The following CEP164 variants were observed in gnomAD, a reference collection of about 807,000 sequenced individuals.
The protein encoded by CEP164 is centrosomal protein of 164 kDa.
A neutral mutation model predicts 182.7 loss-of-function variants in CEP164; 162 were observed. The ratio of observed to expected loss-of-function variants is 0.89; its 90% CI spans 0.78 to 1.01. The LOEUF (loss-of-function observed/expected upper bound fraction) is 1.01. Ranked by LOEUF, CEP164 falls within the 50% of genes least tolerant of loss-of-function variation. The pLI is 0.00. For missense variants in CEP164, 1,735 were observed against 1,790.4 expected (o/e 0.97, Z 0.56); for synonymous variants, 661 against 690.0 (o/e 0.96, Z 0.66).
Position 117,394,521 on chromosome 11 carries a change from A to G in CEP164, c.2760+28A>G, listed in dbSNP as rs2045166830. ...GAGGGGCCTGGGGCAGGGTGAGCCCACTGTGACCCCTCCATGCACAGTAGG... is the reference window on the plus strand; with the variant it reads ...GAGGGGCCTGGGGCAGGGTGAGCCCGCTGTGACCCCTCCATGCACAGTAGG... On this transcript the variant is annotated intron_variant, in intron 21 of 32. Coordinates refer to ENST00000278935, the MANE Select transcript of CEP164 (RefSeq NM_014956.5). This position sits in a 1 kb window ranked among gnomAD's most constrained non-coding sequence, Gnocchi z 4.0. The G allele has an allele frequency of 6.2e-7, 1 of 1,611,174 alleles. No homozygotes were observed. The highest frequency in any genetic ancestry group is 1.1e-5 in the South Asian group (1 of 90,650).
rs1424888285 is a variant in CEP164, at chr11:117,398,542, C to T, written c.3501+1229C>T. On this transcript the variant is annotated intron_variant, in intron 27 of 32. Coordinates refer to ENST00000278935, the MANE Select transcript of CEP164 (RefSeq NM_014956.5). ...GAAGTTCTCCATGAGGGCCCCACCC[C>T]TGTAGCAGACTTTTTTCTGGGCATC... is the stretch of plus-strand genomic sequence containing the variant. Among the ~76,000 whole-genome samples, 12 of 152,330 alleles carry T rather than the reference C, an allele frequency of 7.9e-5. No individual in the cohort carries two copies. The East Asian group carries it at 1.2e-3, about 15-fold the overall frequency.
At chr11:117,367,877 GTTAA>G (rs1168146823) in intron 8 of CEP164, among the ~76,000 whole-genome samples, 1 of 152,166 alleles carries the variant, frequency 6.6e-6, no homozygotes, top group Non-Finnish European at 1.5e-5. Context: ...ATCTTGAATA[GTTAA>G]TTAATAGCTA....
At chr11:117,322,485 A>G (rs539572120) in intron 1 of CEP164, among the ~76,000 whole-genome samples, 144 of 152,216 alleles carry the variant, frequency 9.5e-4, no homozygotes, top group Non-Finnish European at 1.7e-3. Flanking sequence ...TTTGAAATAT[A>G]CCGTATCAGT....
intron 27 of CEP164, among the ~76,000 whole-genome samples, chr11:117,406,659 A>T (rs967887069): frequency 6.6e-6 from 1 of 152,210 alleles, no homozygotes; most frequent in Non-Finnish European, 1.5e-5. Flanking sequence ...GCTTTGAGTT[A>T]CTTACCCACC....
rs2041246054 is a variant in CEP164 at position 117,363,480 on chromosome 11, G to T, written c.739G>T (p.Ala247Ser). The change falls in exon 8 of 33, where the codon GCA becomes TCA. Residue 247 changes from alanine to serine, a missense_variant. Ala to Ser is a moderately conservative substitution (Grantham distance 99, BLOSUM62 1). Coordinates refer to ENST00000278935, the MANE Select transcript of CEP164 (RefSeq NM_014956.5). Reference protein sequence around the residue: ...PLRNLHLDIGALGGDFEYEES... With the variant: ...PLRNLHLDIGSLGGDFEYEES... Reference sequence around the variant, plus strand: ...TAGGAACCTACACCTGGACATTGGGGCACTGGGGGGTGACTTTGAGTATGA... The same window carrying T: ...TAGGAACCTACACCTGGACATTGGGTCACTGGGGGGTGACTTTGAGTATGA... 1 of 1,613,948 alleles carries T rather than the reference G, an allele frequency of 6.2e-7. No homozygotes were observed. Among genetic ancestry groups the T allele is most frequent in the Non-Finnish European group, 8.5e-7 (1 of 1,179,856 alleles).
At chr11:117,410,624 T>A (rs549279445) in intron 30 of CEP164, 12 of 498,482 alleles carry the variant, frequency 2.4e-5, no homozygotes, top group Non-Finnish European at 3.2e-5. Flanking sequence ...AAACAAAATA[T>A]CTTCTTTTTG....
Position 117,411,855 on chromosome 11 carries a change from C to T in CEP164, c.4224C>T (p.Thr1408=), listed in dbSNP as rs1423587348. Residue 1408 remains threonine, a synonymous_variant, in exon 32 of 33, where the codon ACC becomes ACT. Coordinates refer to ENST00000278935, the MANE Select transcript of CEP164 (RefSeq NM_014956.5). This position sits in a 1 kb window ranked among gnomAD's most constrained non-coding sequence, Gnocchi z 4.4. ...AAGTCCCTGAGGCGGGCAGCACCAC[C>T]TTTCAGGGCATAATTGAGGCCAACC... The part of the protein sequence containing the change: ...HSQVPEAGST[T]FQGIIEANRR... 6.2e-7 allele frequency: 1 copy of T among 1,614,166 alleles called. No individual in the cohort carries two copies. Among genetic ancestry groups the T allele is most frequent in the Non-Finnish European group, 8.5e-7 (1 of 1,180,034 alleles).
intron 8 of CEP164, among the ~76,000 whole-genome samples, chr11:117,366,232 G>A (rs921068460): frequency 2.0e-5 from 3 of 151,998 alleles, no homozygotes; most frequent in African/African-American, 7.3e-5. Flanking sequence ...TTTTGTCTCA[G>A]TTTACAGTCT....
intron 10 of CEP164, 120 bp downstream of exon 10, chr11:117,373,951 T>TAGACAAGACTCAAGCA: frequency 1.3e-6 from 1 of 759,812 alleles, no homozygotes; most frequent in Non-Finnish European, 2.2e-6. Flanking sequence ...GAACTCATGC[T>TAGACAAGACTCAAGCA]TGAGTCTTGT....
chr11:117,407,457 CAAAAA>C (rs1232486465), intron 27 of CEP164, among the ~76,000 whole-genome samples: 4 of 69,030 alleles, frequency 5.8e-5, no homozygotes, highest in Non-Finnish European at 8.3e-5. Flanking sequence ...TCTGTCTCTA[CAAAAA>C]AAAAAAAAAA....
At chr11:117,396,005 C>T in intron 24 of CEP164, 49 bp from the exon 25 acceptor site, 15 of 1,611,322 alleles carry the variant, frequency 9.3e-6, no homozygotes, top group Non-Finnish European at 1.3e-5. Flanking sequence ...CACCCCTCCC[C>T]CCCATCGCCA....
In CEP164 at chr11:117,361,876, G is replaced by A. The variant is rs769120227; in HGVS notation, c.435G>A (p.Gly145=). ...TAGCCCCAGTTCATGTTCCTCTTGG[G>A]GGCCTGGCTCCTTTACGAGGTCTTG... ...SSLAPVHVPL[G]GLAPLRGLVD... is the part of the protein sequence containing the mutation. The change falls in exon 6 of 33, where the codon GGG becomes GGA. Residue 145 remains glycine, a synonymous_variant. Transcript: ENST00000278935. The A allele has an allele frequency of 1.2e-6, 2 of 1,614,168 alleles. No homozygotes were observed.
At position 117,373,735 on chromosome 11, in the gene CEP164, G is replaced by A; in HGVS notation, c.1153-16G>A. ...GCTCTGCTCTGAGGGATTTCTCTGT[G>A]GGTCTGTCTCTCCAGGAACTGGAAA... On this transcript the variant is annotated splice_polypyrimidine_tract_variant and intron_variant, in intron 9 of 32. Transcript: ENST00000278935. 1 of 1,611,356 alleles carries A rather than the reference G, an allele frequency of 6.2e-7. No homozygotes were observed. The highest frequency in any genetic ancestry group is 8.5e-7 in the Non-Finnish European group (1 of 1,177,520).
chr11:117,389,938 C>CTTTTTTTT, intron 15 of CEP164, among the ~76,000 whole-genome samples: 1 of 94,612 alleles, frequency 1.1e-5, no homozygotes, highest in Non-Finnish European at 2.1e-5. Flanking sequence ...CAGTAGTTTG[C>CTTTTTTTT]TTTTTTTTTT....
At position 117,364,932 on chromosome 11, in the gene CEP164, C is replaced by T. The variant is rs536899716; in HGVS notation, c.765+1426C>T. ...ATGTGACACTTTTTTCTAAGTGTCCCGTTTTTATTATCAAGCTGATATAGG... is the reference window on the plus strand; with the variant it reads ...ATGTGACACTTTTTTCTAAGTGTCCTGTTTTTATTATCAAGCTGATATAGG... On this transcript the variant is annotated intron_variant, in intron 8 of 32. Coordinates refer to ENST00000278935, the MANE Select transcript of CEP164 (RefSeq NM_014956.5). Among the ~76,000 whole-genome samples, 9 of 152,224 alleles carry T rather than the reference C, an allele frequency of 5.9e-5. No homozygotes were observed. In the South Asian group the frequency reaches 1.5e-3, roughly 25 times the overall value.
At chr11:117,392,950 G>T in intron 19 of CEP164, 54 bp from the exon 20 acceptor site, 1 of 1,607,582 alleles carries the variant, frequency 6.2e-7, no homozygotes, top group Non-Finnish European at 8.5e-7. Flanking sequence ...AGCAGGCCCT[G>T]AGTGCTGGTC....
At chr11:117,323,975 G>A (rs1565378439), upstream of CEP164, 1 of 267,504 alleles carries the variant, frequency 3.7e-6, no homozygotes. Flanking sequence ...TGGCTGTTGA[G>A]TTGTAAGAAA....
At position 117,397,144 on chromosome 11, in the gene CEP164, G is replaced by T; in HGVS notation, c.3332G>T (p.Arg1111Leu). The change falls in exon 27 of 33, where the codon CGT becomes CTT. Residue 1111 changes from arginine to leucine, a missense_variant. Arg to Leu is a moderately radical substitution (Grantham distance 102). Transcript: ENST00000278935. ...CTCTCTGCTGAGGGGGTAGCCCTCC[G>T]TAGTGCCAAGGAGTTCCTTGTGCAG... The part of the protein sequence containing the change: ...HLLSAEGVAL[R>L]SAKEFLVQQT... 1.2e-6 allele frequency: 2 copies of T among 1,614,200 alleles called. No individual in the cohort carries two copies. Among genetic ancestry groups the T allele is most frequent in the Non-Finnish European group, 8.5e-7 (1 of 1,180,032 alleles).
rs935531829 is a variant in CEP164 at position 117,394,775 on chromosome 11, T to G, written c.2761-145T>G. On this transcript the variant is annotated intron_variant, in intron 21 of 32. Coordinates refer to ENST00000278935, the MANE Select transcript of CEP164 (RefSeq NM_014956.5). The surrounding 1 kb of genome is among the most constrained non-coding windows in gnomAD (Gnocchi z 4.0). Reference sequence around the variant, plus strand: ...AAGTAAACAAGGTGTGGAGCCTTCCTGGGAGGCTGCAGGGGCACACAGCGA... The same window carrying G: ...AAGTAAACAAGGTGTGGAGCCTTCCGGGGAGGCTGCAGGGGCACACAGCGA... 12 of 943,044 alleles carry G rather than the reference T, an allele frequency of 1.3e-5. No homozygotes were observed. Among genetic ancestry groups the G allele is most frequent in the Non-Finnish European group, 1.8e-5 (11 of 610,860 alleles). 58.4% of individuals were successfully genotyped at this position (943,044 alleles called of 1,614,324 possible). A position where few individuals can be genotyped will look rare whatever the true frequency, so the allele number is the denominator to read the frequency against.
Sources: allele counts gnomAD v4.1 joint callset (sites outside exome capture counted in the v4.1 genomes callset), GRCh38; gene constraint gnomAD v4.1.1; non-coding constraint Gnocchi (gnomAD v3.1); transcripts MANE v1.5; gene names NCBI Gene and HGNC (gene_info 2026-07-23, HGNC 2026-07-21).